The following SGCD variants were observed in gnomAD, a reference collection of about 807,000 sequenced individuals.
SGCD encodes sarcoglycan delta, also known as delta-sarcoglycan.
SGCD carries 18 observed loss-of-function variants against 36.6 expected under a neutral mutation model. The observed-to-expected ratio is 0.49, with a 90% CI of 0.34 to 0.73. The LOEUF (loss-of-function observed/expected upper bound fraction) is 0.73. SGCD is among the 30% of genes least tolerant of loss of function. The probability of loss-of-function intolerance (pLI) is 0.01; values close to 1 mark genes in which losing one functional copy is unlikely to be tolerated. For missense variants in SGCD, 387 were observed against 346.7 expected (o/e 1.12, Z -0.92); for synonymous variants, 133 against 130.6 (o/e 1.02, Z -0.12).
intron 7 of SGCD, among the ~76,000 whole-genome samples, chr5:156,747,450 A>G (rs927490528): frequency 3.9e-5 from 6 of 152,116 alleles, no homozygotes; most frequent in African/African-American, 9.7e-5. Flanking sequence ...ATCTTACCAA[A>G]CGCTGGACTA....
At chr5:156,737,699 G>A (rs1756445183) in intron 7 of SGCD, among the ~76,000 whole-genome samples, 1 of 152,150 alleles carries the variant, frequency 6.6e-6, no homozygotes, top group African/African-American at 2.4e-5. Context: ...ACTTGACTCA[G>A]TGCAGGAGAT....
At chr5:156,705,137 G>A (rs116486824) in intron 7 of SGCD, among the ~76,000 whole-genome samples, 8,492 of 152,000 alleles carry the variant, frequency 0.056, 316 homozygotes, top group Middle Eastern at 0.086. Context: ...TACTGTTATA[G>A]GTATCCTTAA....
chr5:156,274,195 T>C (rs1270377783), intron 3 of SGCD, among the ~76,000 whole-genome samples: 1 of 152,028 alleles, frequency 6.6e-6, no homozygotes, highest in Non-Finnish European at 1.5e-5. Flanking sequence ...AAAAACAAAA[T>C]TTCAGGGGAC....
chr5:156,515,236 T>A (rs1757108019), intron 4 of SGCD, among the ~76,000 whole-genome samples: 1 of 152,158 alleles, frequency 6.6e-6, no homozygotes, highest in African/African-American at 2.4e-5. Context: ...AAAAATAGCT[T>A]CATGATATAT....
chr5:156,647,431 C>T (rs1164635585), intron 6 of SGCD, 33 bp from the exon 7 acceptor site: 4 of 1,503,458 alleles, frequency 2.7e-6, no homozygotes, highest in Non-Finnish European at 3.6e-6. Flanking sequence ...CCAGTATCTC[C>T]AATCTCTGTT....
intron 1 of SGCD, among the ~76,000 whole-genome samples, chr5:156,063,608 C>A (rs1581072214): frequency 1.6e-5 from 1 of 62,584 alleles, no homozygotes. Flanking sequence ...CTTTTATTTC[C>A]TTGAGCAGTG....
Position 156,187,720 on chromosome 5 carries a change from C to A in SGCD, c.-44+63701C>A, listed in dbSNP as rs183860573. 8.5e-4 allele frequency among the ~76,000 whole-genome samples: 129 copies of A among 152,092 alleles called. 1 individual carries two copies. Among genetic ancestry groups the A allele is most frequent in the Non-Finnish European group, 1.1e-3 (74 of 67,994 alleles). ...CTTTGTTAGGGAGAAGAGGGGAAAG[C>A]TAAGCTAAGGGAGAAAGGGTGGGAA... On this transcript the variant is annotated intron_variant, in intron 3 of 9. Coordinates refer to the SGCD transcript ENST00000517913.
chr5:155,851,078 G>A, the SGCD span, among the ~76,000 whole-genome samples: 7 of 152,132 alleles, frequency 4.6e-5, no homozygotes, highest in Admixed American at 3.3e-4. Context: ...TACTAATTAT[G>A]TTCCAAGTGG....
intron 3 of SGCD, among the ~76,000 whole-genome samples, chr5:156,235,347 A>G (rs1765128808): frequency 6.6e-6 from 1 of 152,222 alleles, no homozygotes; most frequent in South Asian, 2.1e-4. Flanking sequence ...CAGAGCAAGG[A>G]TAAAGGAAAT....
At chr5:156,453,363 T>G (rs1457599976) in intron 3 of SGCD, among the ~76,000 whole-genome samples, 2 of 152,158 alleles carry the variant, frequency 1.3e-5, no homozygotes, top group African/African-American at 4.8e-5. Flanking sequence ...TACAAGGTAG[T>G]GAGCACCCCC....
chr5:155,733,036 C>A, the SGCD span, among the ~76,000 whole-genome samples: 1 of 127,606 alleles, frequency 7.8e-6, no homozygotes, highest in East Asian at 2.3e-4. Flanking sequence ...TTTTTTTTCC[C>A]AGTGCCAAGT....
rs192977300 is a variant in SGCD, at chr5:155,917,041, G to A, written c.-282+46617G>A. On this transcript the variant is annotated intron_variant, in intron 1 of 9. Coordinates refer to the SGCD transcript ENST00000517913. ...AAAAATACATCTGTAGAGCGTTTCC[G>A]AGTCTGATACAATGAAAGTAAAACC... is the stretch of plus-strand genomic sequence containing the variant. 1.1e-4 allele frequency among the ~76,000 whole-genome samples: 17 copies of A among 152,192 alleles called. No individual in the cohort carries two copies. In the East Asian group the frequency reaches 2.3e-3, roughly 21 times the overall value.
In SGCD at chr5:156,232,765, C is replaced by T. The variant is rs1336999618; in HGVS notation, c.-43-96769C>T. Among the ~76,000 whole-genome samples, 3 of 152,254 alleles carry T rather than the reference C, an allele frequency of 2.0e-5. No individual in the cohort carries two copies. The East Asian group carries it at 5.8e-4, about 29-fold the overall frequency. On this transcript the variant is annotated intron_variant, in intron 3 of 9. Transcript: ENST00000517913. ...TATGTTAGGCAGTTGTGGGATTCTG[C>T]CTTGCCTTTATTCACAATTTACTCC...
In SGCD at chr5:156,487,813, A is replaced by AAAGAAAAAG. The variant is rs1554107843; in HGVS notation, c.193-20786_193-20785insGAAAAAGAA. Among the ~76,000 whole-genome samples the AAAGAAAAAG allele has an allele frequency of 2.9e-3, 224 of 77,794 alleles. 27 individuals are homozygous for AAAGAAAAAG. The highest frequency in any genetic ancestry group is 0.012 in the Middle Eastern group (1 of 84). 51.0% of individuals were successfully genotyped at this position (77,794 alleles called of 152,430 possible). A position where few individuals can be genotyped will look rare whatever the true frequency, so the allele number is the denominator to read the frequency against. Reference sequence around the variant, plus strand: ...CAAAAAAAAAAAAAAAAAAAAAAAAAAAAGAAAGAAAGAAAAAGCTTAACA... The same window carrying AAAGAAAAAG: ...CAAAAAAAAAAAAAAAAAAAAAAAAAAAGAAAAAGAAAGAAAGAAAGAAAAAGCTTAACA... On this transcript the variant is annotated intron_variant, in intron 3 of 8. Coordinates refer to ENST00000337851, the MANE Select transcript of SGCD (RefSeq NM_000337.6).
the SGCD span, among the ~76,000 whole-genome samples, chr5:155,747,894 T>C: frequency 6.6e-6 from 1 of 152,160 alleles, no homozygotes; most frequent in African/African-American, 2.4e-5. Context: ...TCCTAAAAAA[T>C]TTAATAGCCT....
intron 1 of SGCD, among the ~76,000 whole-genome samples, chr5:155,921,128 G>T (rs1161254473): frequency 6.6e-6 from 1 of 152,256 alleles, no homozygotes; most frequent in African/African-American, 2.4e-5. Context: ...AAGGGAGGTT[G>T]GTCACAAAAG....
intron 3 of SGCD, among the ~76,000 whole-genome samples, chr5:156,409,703 T>G (rs935969493): frequency 2.6e-5 from 4 of 152,232 alleles, no homozygotes; most frequent in African/African-American, 4.8e-5. Flanking sequence ...TTATAATTTT[T>G]ACCTCTAAAA....
intron 3 of SGCD, among the ~76,000 whole-genome samples, chr5:156,300,270 C>T (rs1767018444): frequency 6.6e-6 from 1 of 151,742 alleles, no homozygotes; most frequent in Non-Finnish European, 1.5e-5. Context: ...TATAAACTCT[C>T]CTCTTAGTAC....
intron 3 of SGCD, among the ~76,000 whole-genome samples, chr5:156,375,973 G>A (rs1398193204): frequency 6.6e-6 from 1 of 152,002 alleles, no homozygotes; most frequent in African/African-American, 2.4e-5. Context: ...TGACAAAAAT[G>A]TAAGATCTAC....
Sources: allele counts gnomAD v4.1 joint callset (sites outside exome capture counted in the v4.1 genomes callset), GRCh38; gene constraint gnomAD v4.1.1; transcripts MANE v1.5; gene names NCBI Gene and HGNC (gene_info 2026-07-23, HGNC 2026-07-21).